The following TJP2 variants were observed in gnomAD, a reference collection of about 807,000 sequenced individuals.
The protein encoded by TJP2 is Friedreich ataxia region gene X104 (tight junction protein ZO-2).
In TJP2, 91 loss-of-function variants were observed where a neutral mutation model predicts 133.1. The ratio of observed to expected loss-of-function variants is 0.68; its 90% CI spans 0.58 to 0.81. The LOEUF (loss-of-function observed/expected upper bound fraction) is 0.81. TJP2 is among the 40% of genes least tolerant of loss of function. TJP2 has a pLI of 0.00. For synonymous variants in TJP2, 592 were observed against 583.4 expected (o/e 1.01, Z -0.21); for missense variants, 1,541 against 1,565.6 (o/e 0.98, Z 0.26).
intron 1 of TJP2, among the ~76,000 whole-genome samples, chr9:69,138,246 T>C (rs73647085): frequency 0.019 from 2,887 of 152,304 alleles, 98 homozygotes; most frequent in African/African-American, 0.066. Flanking sequence ...TTTTAGCTTC[T>C]TCCTCTTGAG....
intron 12 of TJP2, among the ~76,000 whole-genome samples, chr9:69,235,295 TTTTATTTATTTA>T (rs929800157): frequency 3.5e-5 from 4 of 113,358 alleles, no homozygotes; most frequent in Non-Finnish European, 5.7e-5. Flanking sequence ...CCTCCTAATT[TTTTATTTATTTA>T]TTTATTTATT....
intron 1 of TJP2, among the ~76,000 whole-genome samples, chr9:69,210,285 TCC>T (rs1160162575): frequency 0.024 from 419 of 17,198 alleles, 15 homozygotes; most frequent in East Asian, 0.052. Flanking sequence ...TGAGACCCCG[TCC>T]CCCCCCCCCC....
chr9:69,168,927 A>G (rs1824517956), intron 2 of TJP2, among the ~76,000 whole-genome samples: 1 of 151,236 alleles, frequency 6.6e-6, no homozygotes, highest in East Asian at 1.9e-4. Context: ...TGGGGTGATT[A>G]TTGTGGGAGG....
At chr9:69,234,656 G>T in intron 12 of TJP2, 109 bp downstream of exon 12, 1 of 800,024 alleles carries the variant, frequency 1.2e-6, no homozygotes, top group Non-Finnish European at 2.1e-6. Context: ...AAAAAATTGA[G>T]ATGGATCTCA....
chr9:69,154,504 C>A (rs765359166), intron 2 of TJP2, among the ~76,000 whole-genome samples: 3 of 152,104 alleles, frequency 2.0e-5, no homozygotes, highest in Admixed American at 6.6e-5. Flanking sequence ...ACCTTTCTGA[C>A]TTGGCAGGAT....
chr9:69,235,271 A>G (rs1034660456), intron 12 of TJP2, among the ~76,000 whole-genome samples: 3 of 152,000 alleles, frequency 2.0e-5, no homozygotes, highest in Non-Finnish European at 4.4e-5. Context: ...GCCATCAGGC[A>G]GGAAGAGTAG....
Position 69,238,876 on chromosome 9 carries a change from T to C in TJP2, c.2355+87T>C, listed in dbSNP as rs1016231174. The C allele has an allele frequency of 9.7e-6, 11 of 1,136,912 alleles. No homozygotes were observed. The African/African-American group carries it at 1.4e-4, about 14-fold the overall frequency. 70.4% of individuals were successfully genotyped at this position (1,136,912 alleles called of 1,614,324 possible). ...CACTTTTAGGATAGTATCTGTACTTTTAATCATTAAATGTTAATAATAAAA... is the reference window on the plus strand; with the variant it reads ...CACTTTTAGGATAGTATCTGTACTTCTAATCATTAAATGTTAATAATAAAA... On this transcript the variant is annotated intron_variant, in intron 16 of 22. Coordinates refer to ENST00000377245, the MANE Select transcript of TJP2 (RefSeq NM_004817.4).
At chr9:69,165,939 C>T (rs910081786) in intron 2 of TJP2, among the ~76,000 whole-genome samples, 3 of 152,086 alleles carry the variant, frequency 2.0e-5, no homozygotes, top group Admixed American at 6.5e-5. Context: ...GGCCTCTGCC[C>T]ACCAGCCTGA....
chr9:69,205,088 C>G, intron 1 of TJP2: 1 of 1,525,292 alleles, frequency 6.6e-7, no homozygotes, highest in South Asian at 1.2e-5. Context: ...CCTTACGTAA[C>G]CACATGGAGT....
At chr9:69,144,161 C>A (rs974637138) in intron 1 of TJP2, among the ~76,000 whole-genome samples, 1 of 152,004 alleles carries the variant, frequency 6.6e-6, no homozygotes, top group East Asian at 1.9e-4. Flanking sequence ...AGCCACGTGC[C>A]CAGCAACACT....
At chr9:69,152,645 G>A (rs913340362) in intron 2 of TJP2, among the ~76,000 whole-genome samples, 12 of 151,796 alleles carry the variant, frequency 7.9e-5, no homozygotes, top group African/African-American at 2.9e-4. Flanking sequence ...AGGGAACGTC[G>A]ACATGAAACT....
At chr9:69,167,980 A>G (rs1052452918) in intron 2 of TJP2, among the ~76,000 whole-genome samples, 1 of 152,244 alleles carries the variant, frequency 6.6e-6, no homozygotes, top group African/African-American at 2.4e-5. Flanking sequence ...AAAAACCGCA[A>G]TTACTGTTGC....
At chr9:69,193,515 TA>T (rs11409774) in intron 1 of TJP2, among the ~76,000 whole-genome samples, 33 of 140,324 alleles carry the variant, frequency 2.4e-4, no homozygotes, top group African/African-American at 6.4e-4. Flanking sequence ...AATTCAGAAT[TA>T]AAAAAAAAAA....
chr9:69,166,409 C>T (rs1824360899), intron 2 of TJP2, among the ~76,000 whole-genome samples: 1 of 148,870 alleles, frequency 6.7e-6, no homozygotes, highest in African/African-American at 2.5e-5. Context: ...ACCTTATTTA[C>T]TGTTTTTAAA....
intron 1 of TJP2, among the ~76,000 whole-genome samples, chr9:69,177,114 A>T (rs1163938175): frequency 2.0e-5 from 3 of 152,202 alleles, no homozygotes; most frequent in Non-Finnish European, 2.9e-5. Flanking sequence ...AGATGAATTT[A>T]TCTAGGTTGA....
chr9:69,224,234 C>T lies in TJP2; in HGVS notation c.953-1070C>T, dbSNP rs147639585. 2.6e-5 allele frequency among the ~76,000 whole-genome samples: 4 copies of T among 152,308 alleles called. No homozygotes were observed. The East Asian group carries it at 7.7e-4, about 29-fold the overall frequency. On this transcript the variant is annotated intron_variant, in intron 5 of 22. Transcript: ENST00000377245. The stretch of plus-strand genomic sequence containing the variant: ...CTGACTTCTTTACCCCTTTTCTTCA[C>T]CCACTGAATTCCTTTCAATGCCAAG...
chr9:69,151,863 CAG>C (rs937693989), intron 2 of TJP2: 8 of 1,183,536 alleles, frequency 6.8e-6, no homozygotes, highest in Middle Eastern at 3.2e-4. Context: ...TAGAGGTAGT[CAG>C]AGTTACCATT....
chr9:69,237,938 T>G lies in TJP2; in HGVS notation c.2240T>G (p.Leu747Trp). ...ATAGCTGATATAGCAATGGAAAAAT[T>G]GGCTAATGAGTTACCTGACTGGTTT... ...GPIADIAMEK[L>W]ANELPDWFQT... Residue 747 changes from leucine (L) to tryptophan (W), a missense_variant, in exon 15 of 23, where the codon TTG (leucine) becomes TGG (tryptophan). Transcript: ENST00000377245. The G allele has an allele frequency of 6.2e-7, 1 of 1,613,936 alleles. No individual in the cohort carries two copies. The highest frequency in any genetic ancestry group is 8.5e-7 in the Non-Finnish European group (1 of 1,179,844).
At chr9:69,252,731 G>A in intron 21 of TJP2, 84 bp from the exon 22 acceptor site, 1 of 1,283,594 alleles carries the variant, frequency 7.8e-7, no homozygotes, top group Non-Finnish European at 1.1e-6. Flanking sequence ...ATGGGGAAAG[G>A]GTGGGACCAG....
Sources: gnomAD v4.1 joint callset for allele counts (sites outside exome capture counted in the v4.1 genomes callset) on GRCh38, gnomAD v4.1.1 for gene constraint, MANE v1.5 for transcripts, NCBI Gene and HGNC (gene_info 2026-07-23, HGNC 2026-07-21) for gene names.